Variants in CELF2 observed in about 807,000 individuals in gnomAD.
CELF2 encodes CUGBP Elav-like family member 2, also known as CUG triplet repeat RNA-binding protein 2.
A neutral mutation model predicts 62.6 loss-of-function variants in CELF2; 8 were observed. That is an observed-to-expected ratio of 0.13 (90% confidence interval 0.07 to 0.23). CELF2 has a LOEUF of 0.23. Ranked by LOEUF, CELF2 falls within the 10% of genes least tolerant of loss-of-function variation. The pLI is 1.00. For missense variants in CELF2, 333 were observed against 671.0 expected (o/e 0.50, Z 5.56); for synonymous variants, 258 against 250.0 (o/e 1.03, Z -0.30).
At chr10:11,040,879 G>C (rs188727111) in intron 1 of CELF2, among the ~76,000 whole-genome samples, 1 of 151,954 alleles carries the variant, frequency 6.6e-6, no homozygotes, top group East Asian at 1.9e-4. Context: ...CCTCTGTTTA[G>C]CTCCATCTCT....
At chr10:11,228,850 C>T (rs1470881242) in intron 3 of CELF2, among the ~76,000 whole-genome samples, 1 of 151,816 alleles carries the variant, frequency 6.6e-6, no homozygotes. Context: ...AGGTCACTGA[C>T]AAAAACTAAG....
intron 1 of CELF2, among the ~76,000 whole-genome samples, chr10:10,888,689 C>T (rs1468884746): frequency 6.6e-6 from 1 of 152,188 alleles, no homozygotes; most frequent in Non-Finnish European, 1.5e-5. Flanking sequence ...CATGCCTTCG[C>T]CTGATCTGTG....
the CELF2 span, among the ~76,000 whole-genome samples, chr10:10,621,053 C>G: frequency 6.7e-6 from 1 of 149,838 alleles, no homozygotes; most frequent in African/African-American, 2.4e-5. Context: ...GAAACCCCGT[C>G]TCCACTAAAA....
intron 1 of CELF2, among the ~76,000 whole-genome samples, chr10:11,132,683 A>G (rs1312125857): frequency 3.3e-5 from 5 of 152,214 alleles, no homozygotes; most frequent in Non-Finnish European, 7.3e-5. Context: ...CTCCACCGGC[A>G]AAAGACTTAA....
chr10:10,688,946 G>A, the CELF2 span, among the ~76,000 whole-genome samples: 1 of 152,006 alleles, frequency 6.6e-6, no homozygotes, highest in Non-Finnish European at 1.5e-5. Flanking sequence ...CGAGGCTTCA[G>A]TGAACCATGC....
chr10:11,166,682 T>C (rs1596481673), intron 2 of CELF2, among the ~76,000 whole-genome samples: 3 of 152,268 alleles, frequency 2.0e-5, no homozygotes, highest in African/African-American at 7.2e-5. Flanking sequence ...TGTTATTTTA[T>C]TTCTATATTG....
chr10:10,782,299 C>T, the CELF2 span, among the ~76,000 whole-genome samples: 1 of 152,156 alleles, frequency 6.6e-6, no homozygotes, highest in Admixed American at 6.5e-5. Flanking sequence ...AGTTCGAGGA[C>T]AGAGAACCTG....
the CELF2 span, among the ~76,000 whole-genome samples, chr10:10,729,006 G>C: frequency 6.6e-6 from 1 of 152,160 alleles, no homozygotes; most frequent in African/African-American, 2.4e-5. Flanking sequence ...CGACAAATTA[G>C]ACATGTAAAG....
intron 1 of CELF2, among the ~76,000 whole-genome samples, chr10:11,122,054 T>G (rs1334258948): frequency 1.3e-5 from 2 of 152,236 alleles, no homozygotes. Flanking sequence ...TGAGGTACAC[T>G]ATATAATTGA....
intron 1 of CELF2, among the ~76,000 whole-genome samples, chr10:10,871,545 G>A (rs914328258): frequency 2.6e-5 from 4 of 152,110 alleles, no homozygotes; most frequent in African/African-American, 9.7e-5. Context: ...CAGCACTTTG[G>A]GAGGCTGAGG....
At chr10:11,120,242 C>T (rs998645089) in intron 1 of CELF2, among the ~76,000 whole-genome samples, 5 of 152,126 alleles carry the variant, frequency 3.3e-5, no homozygotes, top group Non-Finnish European at 7.4e-5. Context: ...ATTTACACAT[C>T]GGTGCAGAAA....
At chr10:10,637,036 A>G in the CELF2 span, among the ~76,000 whole-genome samples, 2 of 152,212 alleles carry the variant, frequency 1.3e-5, no homozygotes, top group African/African-American at 4.8e-5. Context: ...GTAATTATAT[A>G]TATGAGGGAC....
At chr10:10,648,803 C>A in the CELF2 span, among the ~76,000 whole-genome samples, 2 of 152,286 alleles carry the variant, frequency 1.3e-5, no homozygotes, top group African/African-American at 4.8e-5. Context: ...ATGATTATCC[C>A]AAAATATTAG....
rs528711980 is a variant in CELF2, at chr10:10,887,781, T to A, written c.54-32183T>A. ...TGTTCTGTGTAGACTTTTATTTTTT[T>A]TTTTTTTTGGAGACAAAGTCTCGCT... is the stretch of plus-strand genomic sequence containing the variant. On this transcript the variant is annotated intron_variant, in intron 1 of 13. Coordinates refer to the CELF2 transcript ENST00000636488. 1.6e-3 allele frequency among the ~76,000 whole-genome samples: 249 copies of A among 152,114 alleles called. 1 individual carries two copies. The highest frequency in any genetic ancestry group is 5.3e-3 in the African/African-American group (219 of 41,526).
chr10:11,240,201 G>A (rs555992322), intron 3 of CELF2, among the ~76,000 whole-genome samples: 80 of 152,240 alleles, frequency 5.3e-4, no homozygotes, highest in Non-Finnish European at 9.0e-4. Flanking sequence ...GTTTTTTCCC[G>A]AATTTCCAAA....
the CELF2 span, among the ~76,000 whole-genome samples, chr10:10,619,458 C>T: frequency 6.6e-6 from 1 of 152,194 alleles, no homozygotes; most frequent in Non-Finnish European, 1.5e-5. Context: ...ACAGCTCGTA[C>T]ATTCATAGTC....
rs905460499 is a variant in CELF2 at position 11,012,721 on chromosome 10, G to A, written c.53+7281G>A. ...TTGGGGAAAACATGTCGTCGGGGTG[G>A]GGGCAGTGAGGGGTGGACTGGGAAG... On this transcript the variant is annotated intron_variant, in intron 1 of 12. Transcript: ENST00000416382. The surrounding 1 kb of genome is among the most constrained non-coding windows in gnomAD (Gnocchi z 5.5). 6.6e-6 allele frequency among the ~76,000 whole-genome samples: 1 copy of A among 152,160 alleles called. No individual in the cohort carries two copies. The highest frequency in any genetic ancestry group is 2.4e-5 in the African/African-American group (1 of 41,442).
In CELF2 at chr10:10,953,110, A is replaced by G. The variant is rs535960830; in HGVS notation, c.89+33111A>G. On this transcript the variant is annotated intron_variant, in intron 2 of 13. Transcript: ENST00000636488. ...TCGTTCTGTCCTCGAGCCACAATCA[A>G]TTGTACATCATTAACAAGACACAAA... Among the ~76,000 whole-genome samples, 3 of 152,332 alleles carry G rather than the reference A, an allele frequency of 2.0e-5. No individual in the cohort carries two copies. In the South Asian group the frequency reaches 6.2e-4, roughly 32 times the overall value.
chr10:10,968,352 G>A (rs1029593542), intron 2 of CELF2, among the ~76,000 whole-genome samples: 2 of 152,168 alleles, frequency 1.3e-5, no homozygotes, highest in African/African-American at 4.8e-5. Flanking sequence ...TGGAATGCGT[G>A]ATGATGTTTA....
Sources: gnomAD v4.1 joint callset for allele counts (sites outside exome capture counted in the v4.1 genomes callset) on GRCh38, gnomAD v4.1.1 for gene constraint, Gnocchi (gnomAD v3.1) non-coding constraint, MANE v1.5 for transcripts, NCBI Gene and HGNC (gene_info 2026-07-23, HGNC 2026-07-21) for gene names.